OSBPL10: variants seen among roughly 807,000 people sequenced by gnomAD.
OSBPL10 encodes oxysterol binding protein like 10.
In OSBPL10, 49 loss-of-function variants were observed where a neutral mutation model predicts 81.7. The observed-to-expected ratio is 0.60, with a 90% confidence interval of 0.48 to 0.76. The LOEUF is 0.76. Ranked by LOEUF, OSBPL10 falls within the 30% of genes least tolerant of loss-of-function variation. The probability of loss-of-function intolerance (pLI) is 0.00; values close to 1 mark genes in which losing one functional copy is unlikely to be tolerated. For synonymous variants in OSBPL10, 419 were observed against 383.6 expected (o/e 1.09, Z -1.08); for missense variants, 923 against 987.8 (o/e 0.93, Z 0.88).
intron 1 of OSBPL10, among the ~76,000 whole-genome samples, chr3:32,075,057 C>T (rs1699862703): frequency 6.6e-6 from 1 of 152,108 alleles, no homozygotes; most frequent in South Asian, 2.1e-4. Context: ...GGGTCTACGA[C>T]TTTCTGCTTC....
At chr3:31,959,297 A>G (rs1364101362) in intron 1 of OSBPL10, among the ~76,000 whole-genome samples, 4 of 152,252 alleles carry the variant, frequency 2.6e-5, no homozygotes, top group South Asian at 2.1e-4. Context: ...ACAGTGTACT[A>G]TCTACTGATA....
chr3:32,015,329 A>G (rs1699303189), intron 2 of OSBPL10, among the ~76,000 whole-genome samples: 1 of 152,210 alleles, frequency 6.6e-6, no homozygotes, highest in Non-Finnish European at 1.5e-5. Flanking sequence ...AAACCTGACA[A>G]TAATAAGAAA....
intron 4 of OSBPL10, among the ~76,000 whole-genome samples, chr3:31,800,684 T>TG (rs1360232888): frequency 6.6e-6 from 1 of 151,084 alleles, no homozygotes; most frequent in Non-Finnish European, 1.5e-5. Flanking sequence ...ACCACATGGG[T>TG]GGGTCAAGTT....
intron 3 of OSBPL10, among the ~76,000 whole-genome samples, chr3:31,846,180 T>A (rs1000231951): frequency 3.3e-5 from 5 of 152,112 alleles, no homozygotes; most frequent in African/African-American, 1.2e-4. Context: ...ACTACGCTAA[T>A]TTTTTAATTT....
chr3:32,013,136 T>A (rs974439851), intron 2 of OSBPL10, among the ~76,000 whole-genome samples: 15 of 152,168 alleles, frequency 9.9e-5, no homozygotes, highest in African/African-American at 3.6e-4. Flanking sequence ...ATCAACAGAA[T>A]ATACATTCTT....
At position 31,837,553 on chromosome 3, in the gene OSBPL10, A is replaced by T. The variant is rs2125546172; in HGVS notation, c.538-7322T>A. ...ACAAATTAGCTTCATTCCTTTTAATATTAGAAACAAGAATTCCACTACCAC... is the reference window on the plus strand; with the variant it reads ...ACAAATTAGCTTCATTCCTTTTAATTTTAGAAACAAGAATTCCACTACCAC... On this transcript the variant is annotated intron_variant, in intron 3 of 11. Coordinates refer to ENST00000396556, the MANE Select transcript of OSBPL10 (RefSeq NM_017784.5). 2.0e-5 allele frequency among the ~76,000 whole-genome samples: 3 copies of T among 151,452 alleles called. No homozygotes were observed. In the Middle Eastern group the frequency reaches 0.01, roughly 515 times the overall value.
intron 1 of OSBPL10, among the ~76,000 whole-genome samples, chr3:31,949,494 C>T (rs1239486579): frequency 2.0e-5 from 3 of 151,478 alleles, no homozygotes; most frequent in Non-Finnish European, 4.4e-5. Flanking sequence ...CGGTGAAACT[C>T]GGTCTCTACT....
intron 4 of OSBPL10, among the ~76,000 whole-genome samples, chr3:31,823,965 C>G (rs930462113): frequency 5.9e-5 from 9 of 152,052 alleles, no homozygotes; most frequent in African/African-American, 2.2e-4. Flanking sequence ...GATTCTCCCA[C>G]CTCAGCCTCC....
intron 1 of OSBPL10, among the ~76,000 whole-genome samples, chr3:31,980,507 C>G (rs150168694): frequency 1.1e-4 from 16 of 152,304 alleles, no homozygotes; most frequent in African/African-American, 3.6e-4. Context: ...CTTTTTCACC[C>G]CGGCACAAAG....
At chr3:31,993,674 A>T (rs1699059014) in intron 2 of OSBPL10, among the ~76,000 whole-genome samples, 1 of 131,628 alleles carries the variant, frequency 7.6e-6, no homozygotes, top group African/African-American at 3.8e-5. Context: ...ACATGACTAC[A>T]CACACATACA....
In OSBPL10 at chr3:31,702,002, A is replaced by T. The variant is rs542999275; in HGVS notation, c.1245+357T>A. On this transcript the variant is annotated intron_variant, in intron 7 of 11. Transcript: ENST00000396556. ...CCCTCTATGGCCACTGTGCATAGCC[A>T]TCTCTATAGGCCACCTACAGTTATC... Among the ~76,000 whole-genome samples, 3 of 152,138 alleles carry T rather than the reference A, an allele frequency of 2.0e-5. No homozygotes were observed. The East Asian group carries it at 5.8e-4, about 30-fold the overall frequency.
chr3:31,971,282 G>A (rs892923450), intron 1 of OSBPL10, among the ~76,000 whole-genome samples: 27 of 151,888 alleles, frequency 1.8e-4, no homozygotes, highest in Admixed American at 3.9e-4. Context: ...CTGGGATTAC[G>A]GGCGCATGCC....
intron 9 of OSBPL10, among the ~76,000 whole-genome samples, chr3:31,669,317 A>G (rs1700270325): frequency 6.6e-6 from 1 of 152,200 alleles, no homozygotes; most frequent in Non-Finnish European, 1.5e-5. Flanking sequence ...AAAACAAAAT[A>G]GCATATACTC....
chr3:31,906,765 G>C (rs1396449820), intron 1 of OSBPL10: 1 of 152,222 alleles, frequency 6.6e-6, no homozygotes, highest in Non-Finnish European at 1.5e-5. Flanking sequence ...TAGTGGATTG[G>C]ATTCAAATTT....
At chr3:31,860,965 C>T (rs766655346) in intron 3 of OSBPL10, among the ~76,000 whole-genome samples, 11 of 151,914 alleles carry the variant, frequency 7.2e-5, no homozygotes, top group Non-Finnish European at 1.5e-4. Context: ...CCCACCTCAG[C>T]CTCCCAAAGT....
At chr3:31,972,794 T>C (rs1312608427) in intron 1 of OSBPL10, among the ~76,000 whole-genome samples, 1 of 152,164 alleles carries the variant, frequency 6.6e-6, no homozygotes, top group South Asian at 2.1e-4. Flanking sequence ...CATCAATATA[T>C]TTATAGAAAG....
Position 32,057,271 on chromosome 3 carries a change from T to C in OSBPL10, n.186-10668A>G, listed in dbSNP as rs538285207. 2.8e-4 allele frequency among the ~76,000 whole-genome samples: 43 copies of C among 152,348 alleles called. 1 individual carries two copies. The highest frequency in any genetic ancestry group is 9.6e-4 in the African/African-American group (40 of 41,582). ...ACCTTCCTAATAAACTTGATTTCAC[T>C]TTATAGACTTGCCCCCAATTTTTTT... On this transcript the variant is annotated intron_variant and non_coding_transcript_variant, in intron 1 of 3. Coordinates refer to the OSBPL10 transcript ENST00000479173.
intron 4 of OSBPL10, among the ~76,000 whole-genome samples, chr3:31,785,304 T>C (rs1160845781): frequency 6.6e-6 from 1 of 152,188 alleles, no homozygotes; most frequent in Non-Finnish European, 1.5e-5. Flanking sequence ...AGTGTATACA[T>C]ATACATAAAC....
chr3:31,692,837 C>T (rs1039842970), intron 7 of OSBPL10, among the ~76,000 whole-genome samples: 2 of 152,196 alleles, frequency 1.3e-5, no homozygotes, highest in Non-Finnish European at 2.9e-5. Context: ...TTCTGCTTGG[C>T]CAAGGCCCAT....
Sources: allele counts gnomAD v4.1 joint callset (sites outside exome capture counted in the v4.1 genomes callset), GRCh38; gene constraint gnomAD v4.1.1; transcripts MANE v1.5; gene names NCBI Gene and HGNC (gene_info 2026-07-23, HGNC 2026-07-21).